Variants in SLC25A21 observed in about 807,000 individuals in gnomAD.
SLC25A21 encodes the protein solute carrier family 25 member 21.
Under a neutral mutation model 43.8 loss-of-function variants are expected in SLC25A21, and 47 were observed. The observed-to-expected ratio is 1.07, with a 90% CI of 0.85 to 1.37. The LOEUF is 1.37. Among genes scored for constraint, SLC25A21 ranks in the 40% most tolerant of loss-of-function variants. The pLI is 0.00. For missense variants in SLC25A21, 352 were observed against 350.2 expected, an observed-to-expected ratio of 1.00 and a Z score of -0.04; for synonymous variants, 131 against 121.3, an observed-to-expected ratio of 1.08 and a Z score of -0.52.
intron 1 of SLC25A21, among the ~76,000 whole-genome samples, chr14:37,031,715 A>G (rs565702024): frequency 5.9e-5 from 9 of 152,294 alleles, no homozygotes; most frequent in South Asian, 4.1e-4. Context: ...CTACTTTCAA[A>G]TTATAGGATT....
At chr14:37,135,143 A>C (rs1963457754) in intron 1 of SLC25A21, among the ~76,000 whole-genome samples, 2 of 152,018 alleles carry the variant, frequency 1.3e-5, no homozygotes, top group South Asian at 4.2e-4. Context: ...GACCAGGCTG[A>C]TCTCGAACTC....
chr14:36,834,949 A>G (rs1253472097), intron 2 of SLC25A21, among the ~76,000 whole-genome samples: 1 of 152,254 alleles, frequency 6.6e-6, no homozygotes, highest in African/African-American at 2.4e-5. Context: ...TGTTGGGTTT[A>G]CAACTGCAAA....
intron 7 of SLC25A21, among the ~76,000 whole-genome samples, chr14:36,691,639 A>AAGCC (rs1882798513): frequency 6.6e-6 from 1 of 152,236 alleles, no homozygotes; most frequent in South Asian, 2.1e-4. Flanking sequence ...GGATAGCTTG[A>AAGCC]AGCCAGGAGT....
chr14:36,683,881 C>T lies in SLC25A21; in HGVS notation c.786-1G>A. On this transcript the variant is annotated splice_acceptor_variant, in intron 8 of 9. Transcript: ENST00000331299. LOFTEE classifies it high-confidence loss of function. Reference sequence around the variant, plus strand: ...CAGGCCTTTGTACAAAGCTAAAATCCTGTAATGGGAAGGGAAAGAGAAACG... The same window carrying T: ...CAGGCCTTTGTACAAAGCTAAAATCTTGTAATGGGAAGGGAAAGAGAAACG... 6.2e-7 allele frequency: 1 copy of T among 1,602,896 alleles called. No homozygotes were observed. The highest frequency in any genetic ancestry group is 1.7e-4 in the Middle Eastern group (1 of 6,022).
intron 1 of SLC25A21, among the ~76,000 whole-genome samples, chr14:37,126,432 G>A (rs184701517): frequency 4.0e-5 from 6 of 151,580 alleles, no homozygotes; most frequent in Non-Finnish European, 7.4e-5. Flanking sequence ...GGCTTCTGTG[G>A]AATTTATTTA....
chr14:37,012,428 AT>A (rs2138741009), intron 1 of SLC25A21, among the ~76,000 whole-genome samples: 1 of 152,324 alleles, frequency 6.6e-6, no homozygotes, highest in South Asian at 2.1e-4. Context: ...CTCCCTTAAA[AT>A]GAGATTATTA....
chr14:37,017,613 G>A (rs10134363), intron 1 of SLC25A21, among the ~76,000 whole-genome samples: 57,861 of 151,846 alleles, frequency 0.38, 11,885 homozygotes, highest in African/African-American at 0.54. Flanking sequence ...CAGGGTTGCC[G>A]CAATCCTTCA....
In SLC25A21 at chr14:36,922,958, C is replaced by T. The variant is rs550919296; in HGVS notation, c.71-47954G>A. ...AATTCAACTGAAAATTATACAGACA[C>T]TGGAAAGCACGACGCAGACCCAGGA... On this transcript the variant is annotated intron_variant, in intron 1 of 9. Coordinates refer to ENST00000331299, the MANE Select transcript of SLC25A21 (RefSeq NM_030631.4). 1.4e-4 allele frequency among the ~76,000 whole-genome samples: 21 copies of T among 152,124 alleles called. 1 individual carries two copies. Among genetic ancestry groups the T allele is most frequent in the African/African-American group, 4.8e-4 (20 of 41,512 alleles).
chr14:37,106,808 T>C (rs1308678288), intron 1 of SLC25A21, among the ~76,000 whole-genome samples: 1 of 152,158 alleles, frequency 6.6e-6, no homozygotes. Context: ...GTCCTACCGA[T>C]ATGTGATATC....
intron 1 of SLC25A21, among the ~76,000 whole-genome samples, chr14:36,905,086 G>A (rs1309974670): frequency 6.8e-6 from 1 of 147,370 alleles, no homozygotes; most frequent in African/African-American, 2.7e-5. Flanking sequence ...TCTAAAATTG[G>A]TGCTACTGGC....
At chr14:37,046,360 T>G (rs1961585824) in intron 1 of SLC25A21, among the ~76,000 whole-genome samples, 1 of 152,086 alleles carries the variant, frequency 6.6e-6, no homozygotes, top group South Asian at 2.1e-4. Context: ...TATATTAGCC[T>G]TATATTTCCT....
chr14:36,987,043 T>A (rs1960161707), intron 1 of SLC25A21, among the ~76,000 whole-genome samples: 1 of 152,160 alleles, frequency 6.6e-6, no homozygotes, highest in African/African-American at 2.4e-5. Flanking sequence ...GAAAAACAAG[T>A]GAGACTAGAG....
intron 3 of SLC25A21, among the ~76,000 whole-genome samples, chr14:36,737,079 C>T (rs1298761218): frequency 6.6e-6 from 1 of 152,138 alleles, no homozygotes; most frequent in Non-Finnish European, 1.5e-5. Context: ...TTTGATGGCC[C>T]TCAAGGCTGA....
chr14:36,780,610 T>C (rs1156360934), intron 3 of SLC25A21, among the ~76,000 whole-genome samples: 6 of 152,102 alleles, frequency 3.9e-5, no homozygotes, highest in Non-Finnish European at 4.4e-5. Flanking sequence ...ACTGTGTTAA[T>C]TCCCACATTA....
At chr14:36,757,546 C>T (rs1409394073) in intron 3 of SLC25A21, among the ~76,000 whole-genome samples, 1 of 152,130 alleles carries the variant, frequency 6.6e-6, no homozygotes, top group Non-Finnish European at 1.5e-5. Context: ...CAGATTAGTC[C>T]ATTACTTGCC....
At chr14:36,936,931 A>C (rs1330516964) in intron 1 of SLC25A21, among the ~76,000 whole-genome samples, 2 of 152,036 alleles carry the variant, frequency 1.3e-5, no homozygotes, top group Non-Finnish European at 2.9e-5. Context: ...CTGGAGGCTC[A>C]TTTATAACAG....
intron 1 of SLC25A21, among the ~76,000 whole-genome samples, chr14:36,994,995 A>T (rs1594743369): frequency 6.6e-6 from 1 of 152,310 alleles, no homozygotes; most frequent in Middle Eastern, 3.4e-3. Flanking sequence ...TAAGCAAATG[A>T]CTGAAATTCT....
At chr14:36,859,994 CAT>C (rs1217419460) in intron 2 of SLC25A21, among the ~76,000 whole-genome samples, 1 of 151,888 alleles carries the variant, frequency 6.6e-6, no homozygotes, top group African/African-American at 2.4e-5. Context: ...AATATATATA[CAT>C]ATATATATCA....
intron 1 of SLC25A21, among the ~76,000 whole-genome samples, chr14:36,883,301 G>C (rs1403223647): frequency 1.3e-5 from 2 of 152,084 alleles, no homozygotes; most frequent in Non-Finnish European, 1.5e-5. Context: ...TTCAGTAATA[G>C]GCCTTTGGTC....
Sources: gnomAD v4.1 joint callset for allele counts (sites outside exome capture counted in the v4.1 genomes callset) on GRCh38, gnomAD v4.1.1 for gene constraint, MANE v1.5 for transcripts, NCBI Gene and HGNC (gene_info 2026-07-23, HGNC 2026-07-21) for gene names.